ZNF43: variants seen among roughly 807,000 people sequenced by gnomAD.
ZNF43 encodes zinc finger protein 39-like 1 (KOX 27).
A neutral mutation model predicts 68.4 loss-of-function variants in ZNF43; 44 were observed. The ratio of observed to expected loss-of-function variants is 0.64; its 90% CI spans 0.51 to 0.83. The LOEUF (loss-of-function observed/expected upper bound fraction) is 0.83. Ranked by LOEUF, ZNF43 falls within the 40% of genes least tolerant of loss-of-function variation. The pLI is 0.00. For missense variants in ZNF43, 896 were observed against 933.2 expected, an observed-to-expected ratio of 0.96 and a Z score of 0.52; for synonymous variants, 308 against 307.8, an observed-to-expected ratio of 1.00 and a Z score of -0.01.
At chr19:21,838,399 AT>A (rs11397819), upstream of ZNF43, among the ~76,000 whole-genome samples, 3,776 of 132,410 alleles carry the variant, frequency 0.029, 42 homozygotes, top group Non-Finnish European at 0.036. Context: ...CCCATTCTAA[AT>A]TTTTTTTTTT....
chr19:21,808,659 C>G lies in ZNF43; in HGVS notation c.1378G>C (p.Gly460Arg). The change falls in exon 4 of 4, where the codon GGC becomes CGC. Residue 460 changes from glycine (G) to arginine (R), a missense_variant. Physicochemically the swap from Gly to Arg is moderately radical, Grantham distance 125 (BLOSUM62 -2). Transcript: ENST00000354959. ...GEKPYKCEVC[G>R]KAFNQFSNLT... ...TTTGAGAACTGGTTAAAGGCTTTGCCACATACTTCACATTTGTAGGGTTTC... is the reference window on the plus strand; with the variant it reads ...TTTGAGAACTGGTTAAAGGCTTTGCGACATACTTCACATTTGTAGGGTTTC... 1.2e-6 allele frequency: 2 copies of G among 1,613,446 alleles called. No individual in the cohort carries two copies. Among genetic ancestry groups the G allele is most frequent in the South Asian group, 2.2e-5 (2 of 91,056 alleles).
At chr19:21,820,961 G>A (rs2037810165) in intron 1 of ZNF43, among the ~76,000 whole-genome samples, 1 of 150,852 alleles carries the variant, frequency 6.6e-6, no homozygotes, top group Non-Finnish European at 1.5e-5. Context: ...AGCCTCCTGA[G>A]TAGCTAGGAT....
chr19:21,817,972 T>C lies in ZNF43; in HGVS notation c.145A>G (p.Lys49Glu). The part of the protein sequence containing the change: ...NLVFLGIAVS[K>E]PDLITCLEQE... ...TCCAGACAGGTGATCAGGTCTGGCT[T>C]AGAGACAGCAATACCTGTTTCAATA... Residue 49 changes from lysine (K) to glutamate (E), a missense_variant, in exon 3 of 4, where the codon AAG becomes GAG. By Grantham distance (56) the Lys-to-Glu change is moderately conservative (BLOSUM62 1). Coordinates refer to ENST00000354959, the MANE Select transcript of ZNF43 (RefSeq NM_003423.4). 2 of 1,613,060 alleles carry C rather than the reference T, an allele frequency of 1.2e-6. No homozygotes were observed. The highest frequency in any genetic ancestry group is 8.5e-7 in the Non-Finnish European group (1 of 1,179,426).
intron 1 of ZNF43, among the ~76,000 whole-genome samples, chr19:21,828,113 A>G (rs948683999): frequency 6.6e-6 from 1 of 152,186 alleles, no homozygotes; most frequent in African/African-American, 2.4e-5. Flanking sequence ...TGTCAGACTA[A>G]TATCTATTGT....
Position 21,809,454 on chromosome 19 carries a change from T to C in ZNF43, c.583A>G (p.Ile195Val), listed in dbSNP as rs373217150. 1.2e-6 allele frequency: 2 copies of C among 1,613,888 alleles called. No homozygotes were observed. The highest frequency in any genetic ancestry group is 1.7e-6 in the Non-Finnish European group (2 of 1,179,904). ...TTGCAGAAATTCACTCTGGTATGAA[T>C]TATTTTATGTTGAGCTAGATGTGGA... ...MLPHLAQHKIIHTRVNFCKCE... is the reference protein window; with the variant it reads ...MLPHLAQHKIVHTRVNFCKCE... Residue 195 changes from isoleucine (I) to valine (V), a missense_variant, in exon 4 of 4, where the codon ATT (isoleucine) becomes GTT (valine). Coordinates refer to ENST00000354959, the MANE Select transcript of ZNF43 (RefSeq NM_003423.4).
chr19:21,851,154 C>G (rs1968325446), intron 1 of ZNF43: 1 of 152,154 alleles, frequency 6.6e-6, no homozygotes, highest in Non-Finnish European at 1.5e-5. Context: ...CTGAGAGTAA[C>G]CAACCCACCT....
chr19:21,849,088 A>G (rs891461750), intron 1 of ZNF43, among the ~76,000 whole-genome samples: 1 of 152,198 alleles, frequency 6.6e-6, no homozygotes, highest in African/African-American at 2.4e-5. Context: ...GAGGGTGACA[A>G]TTCTAACGGT....
At chr19:21,846,545 G>C (rs1487703574) in intron 1 of ZNF43, among the ~76,000 whole-genome samples, 1 of 152,116 alleles carries the variant, frequency 6.6e-6, no homozygotes, top group Admixed American at 6.6e-5. Context: ...GCATGGTCCA[G>C]GCAGGAAACT....
exon 1 of ZNF43, chr19:21,851,907 T>G: frequency 6.3e-7 from 1 of 1,580,452 alleles, no homozygotes; most frequent in Non-Finnish European, 8.6e-7. Context: ...ACACTCACCA[T>G]TTCCCAGCTT....
chr19:21,845,959 A>G (rs1327358423), intron 1 of ZNF43, among the ~76,000 whole-genome samples: 1 of 151,884 alleles, frequency 6.6e-6, no homozygotes, highest in African/African-American at 2.4e-5. Context: ...TGCTGGGCCC[A>G]GTGATACATC....
At chr19:21,834,089 C>T (rs1049903553) in intron 1 of ZNF43, among the ~76,000 whole-genome samples, 1 of 151,734 alleles carries the variant, frequency 6.6e-6, no homozygotes, top group South Asian at 2.1e-4. Flanking sequence ...AAAAAAGAGG[C>T]CAGGCATGGT....
At chr19:21,819,271 C>T in intron 1 of ZNF43, 50 bp from the exon 2 acceptor site, 7 of 1,491,664 alleles carry the variant, frequency 4.7e-6, no homozygotes, top group Non-Finnish European at 6.2e-6. Flanking sequence ...TACCAAGTGG[C>T]CACAGGCAGA....
intron 3 of ZNF43, among the ~76,000 whole-genome samples, chr19:21,814,569 C>T (rs2037432157): frequency 6.6e-6 from 1 of 151,838 alleles, no homozygotes; most frequent in South Asian, 2.1e-4. Context: ...ACCACTATGC[C>T]CGGCTAATTT....
At chr19:21,833,390 C>T (rs1353268144) in intron 1 of ZNF43, among the ~76,000 whole-genome samples, 2 of 152,076 alleles carry the variant, frequency 1.3e-5, no homozygotes, top group African/African-American at 4.8e-5. Context: ...CCTCTGCCTC[C>T]CGAAGTAGCT....
chr19:21,829,105 C>T (rs928385700), intron 1 of ZNF43, among the ~76,000 whole-genome samples: 2 of 145,604 alleles, frequency 1.4e-5, no homozygotes, highest in Non-Finnish European at 3.0e-5. Flanking sequence ...GTCCCAGCTA[C>T]TCCAGCTACT....
chr19:21,833,459 G>A (rs1433046539), intron 1 of ZNF43, among the ~76,000 whole-genome samples: 3 of 151,530 alleles, frequency 2.0e-5, no homozygotes, highest in Non-Finnish European at 4.4e-5. Flanking sequence ...TAGTTGAGAC[G>A]GGATTTCACC....
At chr19:21,835,959 G>A in intron 1 of ZNF43, 77 bp downstream of exon 1, 2 of 1,608,488 alleles carry the variant, frequency 1.2e-6, no homozygotes, top group Non-Finnish European at 8.5e-7. Context: ...CGCGCAGATT[G>A]TGGAGCTGAC....
chr19:21,849,977 T>C (rs912102757), intron 1 of ZNF43: 4 of 152,202 alleles, frequency 2.6e-5, no homozygotes, highest in African/African-American at 7.2e-5. Context: ...TCACAGTCTT[T>C]TCTGAGGGCA....
chr19:21,821,989 T>C lies in ZNF43; in HGVS notation c.4-2768A>G, dbSNP rs143274149. On this transcript the variant is annotated intron_variant, in intron 1 of 3. Transcript: ENST00000354959. ...TCTCTGGACAAATTACACCTGCATC[T>C]TGAGAATATGCCTTTAAAGCTGTCA... 3.3e-5 allele frequency among the ~76,000 whole-genome samples: 5 copies of C among 152,338 alleles called. No individual in the cohort carries two copies. In the East Asian group the frequency reaches 7.7e-4, roughly 24 times the overall value.
Sources: gnomAD v4.1 joint callset for allele counts (sites outside exome capture counted in the v4.1 genomes callset) on GRCh38, gnomAD v4.1.1 for gene constraint, MANE v1.5 for transcripts, NCBI Gene and HGNC (gene_info 2026-07-23, HGNC 2026-07-21) for gene names.